The following SHISA9 variants were observed in gnomAD, a reference collection of about 807,000 sequenced individuals.
The protein encoded by SHISA9 is shisa family member 9.
A neutral mutation model predicts 38.0 loss-of-function variants in SHISA9; 13 were observed. The observed-to-expected ratio is 0.34, with a 90% confidence interval of 0.22 to 0.54. The LOEUF is 0.54. Ranked by LOEUF, SHISA9 falls within the 20% of genes least tolerant of loss-of-function variation. SHISA9 has a pLI of 0.91. For missense variants in SHISA9, 538 were observed against 575.8 expected, an observed-to-expected ratio of 0.93 and a Z score of 0.67; for synonymous variants, 275 against 242.0, an observed-to-expected ratio of 1.14 and a Z score of -1.27.
chr16:13,433,898 C>T, the SHISA9 span, among the ~76,000 whole-genome samples: 6 of 152,220 alleles, frequency 3.9e-5, no homozygotes, highest in African/African-American at 1.4e-4. Context: ...AGTCAGGGTT[C>T]CCTAGAGGGA....
chr16:12,948,189 G>A (rs913802049), intron 2 of SHISA9, among the ~76,000 whole-genome samples: 1 of 152,152 alleles, frequency 6.6e-6, no homozygotes, highest in African/African-American at 2.4e-5. Context: ...TTGAAGTTTA[G>A]AGATGTCTAC....
rs560986901 is a variant in SHISA9 at position 12,970,349 on chromosome 16, A to ATG, written c.691+53538_691+53539dup. Among the ~76,000 whole-genome samples the ATG allele has an allele frequency of 5.5e-4, 41 of 75,004 alleles. 1 individual carries two copies. The highest frequency in any genetic ancestry group is 2.0e-3 in the African/African-American group (36 of 18,286). The allele number at this position is 75,004 out of a possible 152,430, so 49.2% of individuals were successfully genotyped here. A position where few individuals can be genotyped will look rare whatever the true frequency, so the allele number is the denominator to read the frequency against. ...TACATATATATATATATATACATAT[A>ATG]TGTGTATATATATATATATACATAT... is the stretch of plus-strand genomic sequence containing the variant. On this transcript the variant is annotated intron_variant, in intron 2 of 4. Transcript: ENST00000558583.
In SHISA9 at chr16:12,950,398, C is replaced by CG. The variant is rs1292070602; in HGVS notation, c.691+33586dup. ...TATATACCCAGCAGTGGGATTCCCCCGGGAAATGCATCTCAAAATCACAAT... is the reference window on the plus strand; with the variant it reads ...TATATACCCAGCAGTGGGATTCCCCCGGGGAAATGCATCTCAAAATCACAAT... On this transcript the variant is annotated intron_variant, in intron 2 of 4. Coordinates refer to ENST00000558583, the MANE Select transcript of SHISA9 (RefSeq NM_001145204.3). 2.0e-5 allele frequency among the ~76,000 whole-genome samples: 3 copies of CG among 152,208 alleles called. No homozygotes were observed. In the East Asian group the frequency reaches 5.8e-4, roughly 29 times the overall value.
the SHISA9 span, among the ~76,000 whole-genome samples, chr16:13,429,276 A>G: frequency 2.0e-5 from 3 of 152,230 alleles, no homozygotes; most frequent in East Asian, 5.8e-4. Context: ...GGGTGGCTTA[A>G]ATAAGAGAAA....
chr16:13,354,625 T>C, the SHISA9 span, among the ~76,000 whole-genome samples: 19 of 144,560 alleles, frequency 1.3e-4, no homozygotes, highest in Non-Finnish European at 2.6e-4. Flanking sequence ...TTTGAGGGCC[T>C]CTAAAAGTAT....
the SHISA9 span, among the ~76,000 whole-genome samples, chr16:13,556,694 C>G: frequency 6.6e-6 from 1 of 151,902 alleles, no homozygotes; most frequent in African/African-American, 2.4e-5. Context: ...AACAAACAAA[C>G]AAACACTCAG....
the SHISA9 span, among the ~76,000 whole-genome samples, chr16:13,299,692 G>A: frequency 1.4e-5 from 2 of 144,256 alleles, no homozygotes; most frequent in East Asian, 2.1e-4. Context: ...TAGCCTGGGC[G>A]ACAGAGTGAG....
chr16:13,287,713 C>G, the SHISA9 span, among the ~76,000 whole-genome samples: 1 of 152,184 alleles, frequency 6.6e-6, no homozygotes, highest in Non-Finnish European at 1.5e-5. Context: ...AGAGCATAGA[C>G]TGGATCACAA....
At chr16:13,404,785 T>A in the SHISA9 span, among the ~76,000 whole-genome samples, 1 of 152,250 alleles carries the variant, frequency 6.6e-6, no homozygotes, top group Non-Finnish European at 1.5e-5. Context: ...AGCCTTTTTC[T>A]GTTATAAGTA....
chr16:13,406,859 G>A, the SHISA9 span, among the ~76,000 whole-genome samples: 12 of 151,900 alleles, frequency 7.9e-5, no homozygotes, highest in African/African-American at 1.7e-4. Context: ...ATCTGAGGTC[G>A]GGAATTCTAG....
At chr16:12,954,448 G>C (rs2071801890) in intron 2 of SHISA9, among the ~76,000 whole-genome samples, 1 of 152,170 alleles carries the variant, frequency 6.6e-6, no homozygotes, top group Non-Finnish European at 1.5e-5. Context: ...GGGGAATCAT[G>C]TGCATGTGGT....
chr16:13,301,227 G>T, the SHISA9 span, among the ~76,000 whole-genome samples: 41 of 152,168 alleles, frequency 2.7e-4, no homozygotes, highest in African/African-American at 9.9e-4. Context: ...GCCCCCAGAG[G>T]AGAAAAGGTT....
intron 2 of SHISA9, among the ~76,000 whole-genome samples, chr16:13,093,430 C>T (rs1596643626): frequency 6.6e-6 from 1 of 152,160 alleles, no homozygotes; most frequent in East Asian, 1.9e-4. Flanking sequence ...GGATTAACTG[C>T]ATAATGCACA....
chr16:13,118,730 CTTTTTT>C (rs34471353), intron 2 of SHISA9, among the ~76,000 whole-genome samples: 23 of 130,762 alleles, frequency 1.8e-4, no homozygotes, highest in African/African-American at 5.8e-4. Flanking sequence ...TTTCTTTTTT[CTTTTTT>C]TTTTTTTTTT....
chr16:13,477,640 A>G, the SHISA9 span, among the ~76,000 whole-genome samples: 6 of 152,200 alleles, frequency 3.9e-5, no homozygotes, highest in African/African-American at 9.6e-5. Flanking sequence ...GTATTTCCCA[A>G]TGCAGAATGC....
chr16:13,053,215 G>A (rs774149766), intron 2 of SHISA9, among the ~76,000 whole-genome samples: 9 of 151,898 alleles, frequency 5.9e-5, no homozygotes, highest in Admixed American at 2.6e-4. Flanking sequence ...CGCCCACCTC[G>A]GCCTCCCAAA....
At chr16:13,173,267 C>T (rs1047161160) in intron 2 of SHISA9, among the ~76,000 whole-genome samples, 4 of 151,252 alleles carry the variant, frequency 2.6e-5, no homozygotes, top group Admixed American at 2.6e-4. Flanking sequence ...TATAAACACA[C>T]AGAAATGCTG....
At chr16:13,353,294 A>G in the SHISA9 span, among the ~76,000 whole-genome samples, 1 of 152,210 alleles carries the variant, frequency 6.6e-6, no homozygotes. Context: ...GAAAAACTAA[A>G]TGGAATAAGA....
chr16:13,099,683 C>T (rs773090368), intron 2 of SHISA9, among the ~76,000 whole-genome samples: 39 of 152,046 alleles, frequency 2.6e-4, no homozygotes, highest in Non-Finnish European at 4.9e-4. Flanking sequence ...GCAGCGGGGA[C>T]GGGGTTGGTG....
Sources: allele counts gnomAD v4.1 joint callset (sites outside exome capture counted in the v4.1 genomes callset), GRCh38; gene constraint gnomAD v4.1.1; transcripts MANE v1.5; gene names NCBI Gene and HGNC (gene_info 2026-07-23, HGNC 2026-07-21).